FOXO3: variants seen among roughly 807,000 people sequenced by gnomAD.
FOXO3 encodes the protein forkhead box O3.
FOXO3 carries 4 observed loss-of-function variants against 41.9 expected under a neutral mutation model. That is an observed-to-expected ratio of 0.10 (90% CI 0.05 to 0.22). FOXO3 has a LOEUF of 0.22. Ranked by LOEUF, FOXO3 falls within the 10% of genes least tolerant of loss-of-function variation. The pLI is 1.00. For synonymous variants in FOXO3, 318 were observed against 389.3 expected (o/e 0.82, Z 2.16); for missense variants, 534 against 906.8 (o/e 0.59, Z 5.28).
chr6:108,566,957 A>G (rs1352566291), intron 1 of FOXO3, among the ~76,000 whole-genome samples: 1 of 152,238 alleles, frequency 6.6e-6, no homozygotes, highest in Non-Finnish European at 1.5e-5. Flanking sequence ...TATTCAACAA[A>G]TGTTTATCAA....
intron 1 of FOXO3, among the ~76,000 whole-genome samples, chr6:108,603,054 A>T (rs1203552207): frequency 6.6e-6 from 1 of 152,098 alleles, no homozygotes; most frequent in Non-Finnish European, 1.5e-5. Flanking sequence ...GCAAACTGAC[A>T]TTCATTCAAT....
At chr6:108,670,926 C>G (rs956343206) in intron 2 of FOXO3, among the ~76,000 whole-genome samples, 5 of 152,208 alleles carry the variant, frequency 3.3e-5, no homozygotes, top group African/African-American at 1.2e-4. Flanking sequence ...AATCATTAAG[C>G]ACAGTTCATC....
chr6:108,618,060 C>A, intron 1 of FOXO3: 1 of 712,254 alleles, frequency 1.4e-6, no homozygotes. Flanking sequence ...TCTCCATTTC[C>A]AACTGTACAG....
At chr6:108,600,716 C>A (rs1485523600) in intron 1 of FOXO3, among the ~76,000 whole-genome samples, 1 of 152,120 alleles carries the variant, frequency 6.6e-6, no homozygotes, top group Admixed American at 6.6e-5. Flanking sequence ...ATTTTAAAAT[C>A]TGGTTTTCAC....
At chr6:108,584,505 G>C (rs919379062) in intron 1 of FOXO3, among the ~76,000 whole-genome samples, 1 of 152,146 alleles carries the variant, frequency 6.6e-6, no homozygotes, top group Non-Finnish European at 1.5e-5. Flanking sequence ...ATCCTTTCGC[G>C]TTGGCTTTGC....
At chr6:108,585,641 G>A (rs753827739) in intron 1 of FOXO3, among the ~76,000 whole-genome samples, 14 of 152,212 alleles carry the variant, frequency 9.2e-5, no homozygotes, top group Non-Finnish European at 2.1e-4. Flanking sequence ...CTGGGAGTCT[G>A]CAAGGTGTGC....
intron 1 of FOXO3, among the ~76,000 whole-genome samples, chr6:108,576,825 A>G (rs1173514135): frequency 2.0e-5 from 3 of 152,146 alleles, no homozygotes; most frequent in Non-Finnish European, 4.4e-5. Context: ...AGTTCTAGCT[A>G]GTTTCTTTTG....
At chr6:108,653,820 T>C (rs978979847) in intron 1 of FOXO3, among the ~76,000 whole-genome samples, 1 of 152,262 alleles carries the variant, frequency 6.6e-6, no homozygotes, top group Admixed American at 6.5e-5. Context: ...ATAATAAAAC[T>C]ATTTCTGTTC....
intron 1 of FOXO3, among the ~76,000 whole-genome samples, chr6:108,658,063 T>A (rs544009523): frequency 6.6e-6 from 1 of 152,298 alleles, no homozygotes; most frequent in African/African-American, 2.4e-5. Flanking sequence ...ACAGGTTTAG[T>A]TATATGCAGA....
rs572873382 is a variant in FOXO3 at position 108,681,623 on chromosome 6, G to T, written c.*1831G>T. On this transcript the variant is annotated 3_prime_UTR_variant, in exon 3 of 3. Coordinates refer to ENST00000406360, the MANE Select transcript of FOXO3 (RefSeq NM_001455.4). ...CTCGCTTGGGTTGCCATGTTTGAGC[G>T]ATGGCCCTGTTGATTTCACCCTGCC... is the stretch of plus-strand genomic sequence containing the variant. 3 of 151,268 alleles carry T rather than the reference G, an allele frequency of 2.0e-5. No homozygotes were observed. Among genetic ancestry groups the T allele is most frequent in the Non-Finnish European group, 4.4e-5 (3 of 67,810 alleles). 9.4% of individuals were successfully genotyped at this position (151,268 alleles called of 1,614,324 possible).
chr6:108,584,396 A>G (rs1776516877), intron 1 of FOXO3, among the ~76,000 whole-genome samples: 1 of 152,224 alleles, frequency 6.6e-6, no homozygotes, highest in Admixed American at 6.5e-5. Flanking sequence ...ACTGTAATCA[A>G]AGAATTCCTT....
intron 1 of FOXO3, among the ~76,000 whole-genome samples, chr6:108,655,103 A>G (rs1253758421): frequency 6.6e-6 from 1 of 152,164 alleles, no homozygotes; most frequent in African/African-American, 2.4e-5. Context: ...CTTTGGCTAT[A>G]TCAATTCCTA....
chr6:108,591,408 A>C (rs903409930), intron 1 of FOXO3, among the ~76,000 whole-genome samples: 1 of 152,136 alleles, frequency 6.6e-6, no homozygotes, highest in African/African-American at 2.4e-5. Flanking sequence ...TCCAGACAGA[A>C]CTCAGGGCAG....
chr6:108,664,112 A>G lies in FOXO3; in HGVS notation c.1279A>G (p.Thr427Ala), dbSNP rs778385324. 43 of 1,613,988 alleles carry G rather than the reference A, an allele frequency of 2.7e-5. No individual in the cohort carries two copies. Among genetic ancestry groups the G allele is most frequent in the African/African-American group, 4.0e-5 (3 of 74,924 alleles). ...CAAGGGCTCGGGCCTGGGCTCCCCAACCAGCTCCTTTAACAGCACGGTGTT... is the reference window on the plus strand; with the variant it reads ...CAAGGGCTCGGGCCTGGGCTCCCCAGCCAGCTCCTTTAACAGCACGGTGTT... ...TTKGSGLGSPTSSFNSTVFGP... is the reference protein window; with the variant it reads ...TTKGSGLGSPASSFNSTVFGP... The change falls in exon 2 of 3, where the codon ACC becomes GCC. Residue 427 changes from threonine (T) to alanine (A), a missense_variant. By Grantham distance (58) the Thr-to-Ala change is moderately conservative (BLOSUM62 0). Transcript: ENST00000406360.
At chr6:108,560,222 C>T (rs1775733558), upstream of FOXO3, among the ~76,000 whole-genome samples, 2 of 152,188 alleles carry the variant, frequency 1.3e-5, no homozygotes, top group Admixed American at 1.3e-4. Flanking sequence ...ACGTGCTGGT[C>T]CGGGTTTTCT....
chr6:108,580,116 G>T (rs775040920), intron 1 of FOXO3, among the ~76,000 whole-genome samples: 3 of 151,580 alleles, frequency 2.0e-5, no homozygotes, highest in Non-Finnish European at 4.4e-5. Context: ...TAAAAGCTAC[G>T]GTTAATTGAA....
chr6:108,567,928 A>C (rs1343761456), intron 1 of FOXO3, among the ~76,000 whole-genome samples: 3 of 152,094 alleles, frequency 2.0e-5, no homozygotes, highest in African/African-American at 7.2e-5. Flanking sequence ...CATGCCTGTA[A>C]TCCCAGCTAC....
At chr6:108,638,695 C>T (rs560541408) in intron 1 of FOXO3, among the ~76,000 whole-genome samples, 97 of 152,244 alleles carry the variant, frequency 6.4e-4, no homozygotes, top group Non-Finnish European at 1.1e-3. Context: ...GGGCAAGCAT[C>T]GCATTGTGGA....
chr6:108,593,429 G>A (rs1776784682), intron 1 of FOXO3, among the ~76,000 whole-genome samples: 1 of 151,540 alleles, frequency 6.6e-6, no homozygotes. Context: ...TCTGGCTGGA[G>A]TGCAGTGGCA....
Sources: allele counts gnomAD v4.1 joint callset (sites outside exome capture counted in the v4.1 genomes callset), GRCh38; gene constraint gnomAD v4.1.1; transcripts MANE v1.5; gene names NCBI Gene and HGNC (gene_info 2026-07-23, HGNC 2026-07-21).